The following RUNDC3B variants were observed in gnomAD, a reference collection of about 807,000 sequenced individuals.
The protein encoded by RUNDC3B is RUN domain containing 3B.
A neutral mutation model predicts 58.4 loss-of-function variants in RUNDC3B; 33 were observed. The observed-to-expected ratio is 0.56, with a 90% CI of 0.43 to 0.75. The LOEUF (loss-of-function observed/expected upper bound fraction) is 0.75, where lower values mean the gene tolerates loss of function less well. RUNDC3B is among the 30% of genes least tolerant of loss of function. The pLI, the probability that RUNDC3B is intolerant of heterozygous loss-of-function variation, is 0.00. For synonymous variants in RUNDC3B, 193 were observed against 195.2 expected (o/e 0.99, Z 0.10); for missense variants, 501 against 535.7 (o/e 0.94, Z 0.64).
intron 2 of RUNDC3B, among the ~76,000 whole-genome samples, chr7:87,653,220 G>A (rs564523911): frequency 7.2e-5 from 11 of 152,064 alleles, no homozygotes. Flanking sequence ...AGGTCCTTCA[G>A]TAATTTTTGA....
At position 87,634,364 on chromosome 7, in the gene RUNDC3B, G is replaced by A. The variant is rs537885165; in HGVS notation, c.122+5419G>A. Among the ~76,000 whole-genome samples the A allele has an allele frequency of 4.6e-5, 7 of 152,150 alleles. No individual in the cohort carries two copies. In the South Asian group the frequency reaches 1.5e-3, roughly 32 times the overall value. ...TGGCTGGGTGTGGTGGCTCATGCCT[G>A]TAATCCTAGGACTTTGGGAGGCTGA... is the stretch of plus-strand genomic sequence containing the variant. On this transcript the variant is annotated intron_variant, in intron 1 of 10. Transcript: ENST00000394654.
intron 1 of RUNDC3B, among the ~76,000 whole-genome samples, chr7:87,636,803 T>C (rs1394692240): frequency 6.6e-6 from 1 of 152,198 alleles, no homozygotes; most frequent in Non-Finnish European, 1.5e-5. Context: ...AAGACCATTG[T>C]ATTAGTCTGT....
intron 7 of RUNDC3B, among the ~76,000 whole-genome samples, chr7:87,775,143 C>T (rs1274628754): frequency 6.6e-6 from 1 of 152,114 alleles, no homozygotes; most frequent in Non-Finnish European, 1.5e-5. Context: ...GCATTGTTAT[C>T]ATGGGAGATG....
intron 10 of RUNDC3B, among the ~76,000 whole-genome samples, chr7:87,828,313 C>T (rs1837947489): frequency 6.6e-6 from 1 of 151,922 alleles, no homozygotes; most frequent in Non-Finnish European, 1.5e-5. Flanking sequence ...ACAATTGATC[C>T]CATCACCCAA....
chr7:87,702,493 T>C (rs1829179866), intron 3 of RUNDC3B, among the ~76,000 whole-genome samples: 1 of 152,124 alleles, frequency 6.6e-6, no homozygotes, highest in South Asian at 2.1e-4. Flanking sequence ...TTGCCCAGGC[T>C]AGTCTAGAAA....
intron 4 of RUNDC3B, among the ~76,000 whole-genome samples, chr7:87,711,426 C>G (rs1270230669): frequency 6.6e-6 from 1 of 151,702 alleles, no homozygotes; most frequent in East Asian, 1.9e-4. Flanking sequence ...CATTGTTTTT[C>G]TTGGATTGTA....
chr7:87,718,179 T>G (rs1386356765), intron 4 of RUNDC3B, among the ~76,000 whole-genome samples: 1 of 152,076 alleles, frequency 6.6e-6, no homozygotes, highest in Non-Finnish European at 1.5e-5. Flanking sequence ...CAATGTCCAG[T>G]GAAAAACAAG....
intron 6 of RUNDC3B, among the ~76,000 whole-genome samples, chr7:87,763,903 A>G (rs1833833766): frequency 6.6e-6 from 1 of 151,784 alleles, no homozygotes; most frequent in Non-Finnish European, 1.5e-5. Flanking sequence ...TAGATGCCAT[A>G]GTCAGGAGCC....
chr7:87,753,507 C>G (rs1249275661), intron 6 of RUNDC3B, among the ~76,000 whole-genome samples: 1 of 152,094 alleles, frequency 6.6e-6, no homozygotes, highest in Non-Finnish European at 1.5e-5. Context: ...GTGTGGGAGT[C>G]TAAGTCTCTT....
intron 6 of RUNDC3B, among the ~76,000 whole-genome samples, chr7:87,769,300 T>C (rs1187474121): frequency 1.3e-5 from 2 of 152,082 alleles, no homozygotes; most frequent in South Asian, 2.1e-4. Context: ...AATGAGCTAA[T>C]ATGCCCAGCC....
At chr7:87,716,975 G>T (rs911217026) in intron 4 of RUNDC3B, among the ~76,000 whole-genome samples, 2 of 152,112 alleles carry the variant, frequency 1.3e-5, no homozygotes, top group African/African-American at 4.8e-5. Context: ...TTTTAAAACT[G>T]GTTTGTGGAA....
At chr7:87,791,578 G>A (rs1250277275) in intron 8 of RUNDC3B, among the ~76,000 whole-genome samples, 2 of 152,064 alleles carry the variant, frequency 1.3e-5, no homozygotes, top group Non-Finnish European at 2.9e-5. Context: ...GGGGGATAAA[G>A]TTAAAGTGTA....
chr7:87,767,453 G>A (rs981696846), intron 6 of RUNDC3B, among the ~76,000 whole-genome samples: 3 of 152,154 alleles, frequency 2.0e-5, no homozygotes, highest in Non-Finnish European at 4.4e-5. Context: ...ATGAGTCCTT[G>A]GTTATAGATA....
intron 10 of RUNDC3B, among the ~76,000 whole-genome samples, chr7:87,817,773 C>G (rs556883789): frequency 6.6e-5 from 10 of 152,300 alleles, no homozygotes; most frequent in African/African-American, 2.2e-4. Context: ...TGTAAACCCC[C>G]TCTGAACTGT....
intron 7 of RUNDC3B, among the ~76,000 whole-genome samples, chr7:87,773,077 A>T (rs987629113): frequency 2.0e-5 from 3 of 152,154 alleles, no homozygotes; most frequent in African/African-American, 7.2e-5. Flanking sequence ...TAATCCCAGC[A>T]CTTTGGGAGG....
intron 2 of RUNDC3B, among the ~76,000 whole-genome samples, chr7:87,678,317 A>G (rs1317973192): frequency 1.3e-5 from 2 of 152,190 alleles, no homozygotes; most frequent in African/African-American, 4.8e-5. Context: ...GTTTGCATGT[A>G]TAGTACAAGT....
At chr7:87,721,465 A>G (rs1228397530) in intron 4 of RUNDC3B, among the ~76,000 whole-genome samples, 1 of 152,160 alleles carries the variant, frequency 6.6e-6, no homozygotes, top group African/African-American at 2.4e-5. Flanking sequence ...CAAAGGTACC[A>G]TAAATAAAAT....
chr7:87,709,448 G>A, intron 3 of RUNDC3B: 1 of 985,290 alleles, frequency 1.0e-6, no homozygotes, highest in Non-Finnish European at 1.2e-6. Context: ...GTTCCCCTAG[G>A]CTTACTCAGA....
rs117193179 is a variant in RUNDC3B, at chr7:87,829,872, T to C, written c.1226-13T>C. ...GGGCAATTAATTATTTGCTATTTAA[T>C]TCTAATTTTCAGGTAAGGAAGATAC... On this transcript the variant is annotated splice_polypyrimidine_tract_variant and intron_variant, in intron 10 of 10. Transcript: ENST00000394654. 5.9e-4 allele frequency: 925 copies of C among 1,573,804 alleles called. 2 individuals are homozygous for C. The highest frequency in any genetic ancestry group is 7.4e-4 in the Non-Finnish European group (851 of 1,155,282).
Sources: allele counts gnomAD v4.1 joint callset (sites outside exome capture counted in the v4.1 genomes callset), GRCh38; gene constraint gnomAD v4.1.1; transcripts MANE v1.5; gene names NCBI Gene and HGNC (gene_info 2026-07-23, HGNC 2026-07-21).